Variants in HMGN3 observed in about 807,000 individuals in gnomAD.
The protein encoded by HMGN3 is high mobility group nucleosome-binding domain-containing protein 3.
Under a neutral mutation model 18.8 loss-of-function variants are expected in HMGN3, and 6 were observed. That is an observed-to-expected ratio of 0.32 (90% CI 0.18 to 0.63). The LOEUF (loss-of-function observed/expected upper bound fraction) is 0.63. Among genes scored for constraint, HMGN3 ranks in the 30% least tolerant of loss-of-function variants. HMGN3 has a pLI of 0.79. For missense variants in HMGN3, 107 were observed against 114.2 expected, an observed-to-expected ratio of 0.94 and a Z score of 0.29; for synonymous variants, 40 against 36.5, an observed-to-expected ratio of 1.10 and a Z score of -0.35.
intron 4 of HMGN3, among the ~76,000 whole-genome samples, chr6:79,202,935 G>A (rs529963775): frequency 3.3e-5 from 5 of 152,276 alleles, no homozygotes; most frequent in African/African-American, 9.6e-5. Context: ...ACCTACTCAT[G>A]CCACTATACA....
intron 1 of HMGN3, 155 bp downstream of exon 1, chr6:79,234,391 C>G: frequency 1.5e-6 from 1 of 648,474 alleles, no homozygotes; most frequent in Non-Finnish European, 2.8e-6. Context: ...GAGAGAGGAA[C>G]GTCTGCAACA....
At chr6:79,214,978 T>C in exon 2 of HMGN3, 1 of 1,491,338 alleles carries the variant, frequency 6.7e-7, no homozygotes, top group Non-Finnish European at 9.2e-7. Context: ...TTACCTCCTG[T>C]TTAGTTACTT....
At chr6:79,234,312 G>T in intron 1 of HMGN3, 1 of 410,214 alleles carries the variant, frequency 2.4e-6, no homozygotes, top group East Asian at 3.5e-5. Flanking sequence ...TCAAAAAGAA[G>T]GGAAACCGCG....
chr6:79,211,437 GA>G (rs1337321910), intron 2 of HMGN3, among the ~76,000 whole-genome samples: 3 of 147,614 alleles, frequency 2.0e-5, no homozygotes, highest in Non-Finnish European at 4.5e-5. Flanking sequence ...ACTACGAGGG[GA>G]AAAAAAAGCT....
At chr6:79,208,650 T>C in intron 2 of HMGN3, 74 bp from the exon 3 acceptor site, 1 of 1,100,956 alleles carries the variant, frequency 9.1e-7, no homozygotes, top group South Asian at 1.2e-5. Flanking sequence ...AAAAATCTAT[T>C]CTTAATATAC....
At chr6:79,216,569 T>C (rs1421377089) in intron 1 of HMGN3, among the ~76,000 whole-genome samples, 8 of 152,192 alleles carry the variant, frequency 5.3e-5, no homozygotes, top group Non-Finnish European at 1.2e-4. Context: ...GAACCTCCCA[T>C]GTCATGGATT....
chr6:79,220,040 G>A (rs1372905917), intron 1 of HMGN3, among the ~76,000 whole-genome samples: 1 of 152,152 alleles, frequency 6.6e-6, no homozygotes, highest in African/African-American at 2.4e-5. Context: ...GCAGCTAATG[G>A]CTACCATATA....
exon 1 of HMGN3, chr6:79,234,633 C>T (rs1778058106): frequency 2.0e-6 from 3 of 1,475,752 alleles, no homozygotes; most frequent in African/African-American, 1.4e-5. Flanking sequence ...GATGCTGCCT[C>T]TGCCTCTGCA....
chr6:79,221,782 G>A (rs1399893607), intron 1 of HMGN3, among the ~76,000 whole-genome samples: 2 of 152,054 alleles, frequency 1.3e-5, no homozygotes, highest in Non-Finnish European at 2.9e-5. Context: ...TACTGCACTA[G>A]GAGTGATCTT....
exon 5 of HMGN3, chr6:79,202,336 C>T: frequency 6.2e-7 from 1 of 1,614,178 alleles, no homozygotes; most frequent in African/African-American, 1.3e-5. Context: ...CAGCTTCCTG[C>T]TTTTCCTCCT....
chr6:79,221,023 A>AT (rs1206311411), intron 1 of HMGN3, among the ~76,000 whole-genome samples: 2 of 152,256 alleles, frequency 1.3e-5, no homozygotes, highest in Non-Finnish European at 2.9e-5. Context: ...ATATTATATT[A>AT]TTTCCTGGAT....
At chr6:79,218,218 T>C (rs1777094149) in intron 1 of HMGN3, among the ~76,000 whole-genome samples, 1 of 152,092 alleles carries the variant, frequency 6.6e-6, no homozygotes, top group African/African-American at 2.4e-5. Flanking sequence ...AGGAAAACAA[T>C]GGGGAGTGGG....
intron 2 of HMGN3, among the ~76,000 whole-genome samples, chr6:79,210,843 C>T (rs1371838941): frequency 6.6e-6 from 1 of 151,952 alleles, no homozygotes; most frequent in African/African-American, 2.4e-5. Context: ...CTGAACATAC[C>T]AAATAGACTA....
intron 2 of HMGN3, among the ~76,000 whole-genome samples, chr6:79,209,835 A>G (rs952595962): frequency 6.6e-6 from 1 of 152,190 alleles, no homozygotes; most frequent in Non-Finnish European, 1.5e-5. Flanking sequence ...TCTTTAAACT[A>G]CAGAAGGAAA....
chr6:79,230,206 T>G (rs756259693), intron 1 of HMGN3, among the ~76,000 whole-genome samples: 2 of 152,204 alleles, frequency 1.3e-5, no homozygotes, highest in African/African-American at 2.4e-5. Context: ...ATTGTATCAT[T>G]TCTTTTAAAT....
chr6:79,201,632 C>T (rs541460283), exon 6 of HMGN3: 125 of 1,196,586 alleles, frequency 1.0e-4, no homozygotes, highest in Admixed American at 2.1e-4. Flanking sequence ...GTAAAAATAG[C>T]TTTTAAAAGT....
intron 1 of HMGN3, among the ~76,000 whole-genome samples, chr6:79,221,567 T>A (rs1443018660): frequency 6.6e-6 from 1 of 152,176 alleles, no homozygotes; most frequent in Non-Finnish European, 1.5e-5. Context: ...ATGTAAACAG[T>A]GCTTACCACA....
chr6:79,217,628 T>A (rs1561994810), intron 1 of HMGN3, among the ~76,000 whole-genome samples: 1 of 152,230 alleles, frequency 6.6e-6, no homozygotes, highest in Non-Finnish European at 1.5e-5. Flanking sequence ...AAACTGGTTA[T>A]CTGTTTTTGT....
intron 1 of HMGN3, among the ~76,000 whole-genome samples, chr6:79,217,388 C>T (rs1294885555): frequency 6.6e-6 from 1 of 152,104 alleles, no homozygotes; most frequent in African/African-American, 2.4e-5. Flanking sequence ...GACTTGATCA[C>T]GGTGGCTCAG....
Sources: gnomAD v4.1 joint callset for allele counts (sites outside exome capture counted in the v4.1 genomes callset) on GRCh38, gnomAD v4.1.1 for gene constraint, MANE v1.5 for transcripts, NCBI Gene and HGNC (gene_info 2026-07-23, HGNC 2026-07-21) for gene names.